PGAP1: variants seen among roughly 807,000 people sequenced by gnomAD.
PGAP1 encodes GPI inositol-deacylase.
A neutral mutation model predicts 127.0 loss-of-function variants in PGAP1; 76 were observed. The ratio of observed to expected loss-of-function variants is 0.60; its 90% confidence interval spans 0.50 to 0.72. The LOEUF (loss-of-function observed/expected upper bound fraction) is 0.72, where lower values mean the gene tolerates loss of function less well. Among genes scored for constraint, PGAP1 ranks in the 30% least tolerant of loss-of-function variants. PGAP1 has a pLI of 0.00. For missense variants in PGAP1, 982 were observed against 1,071.3 expected (o/e 0.92, Z 1.16); for synonymous variants, 362 against 366.5 (o/e 0.99, Z 0.14).
rs530215922 is a variant in PGAP1, at chr2:196,845,045, A to G, written c.2287-471T>C. Among the ~76,000 whole-genome samples the G allele has an allele frequency of 1.1e-3, 163 of 152,160 alleles. No homozygotes were observed. The East Asian group carries it at 0.019, about 18-fold the overall frequency. ...GTGGTGAAATGTTTATAAGAACTGA[A>G]AAAAATCTTTAAATTTAATTTATTA... On this transcript the variant is annotated intron_variant, in intron 23 of 26. Transcript: ENST00000354764.
At chr2:196,878,471 T>C (rs923751760) in intron 13 of PGAP1, among the ~76,000 whole-genome samples, 1 of 152,186 alleles carries the variant, frequency 6.6e-6, no homozygotes, top group African/African-American at 2.4e-5. Context: ...CTCATTATTA[T>C]AGCAATGAGT....
intron 13 of PGAP1, among the ~76,000 whole-genome samples, chr2:196,876,575 T>G (rs1258100405): frequency 1.3e-5 from 2 of 152,068 alleles, no homozygotes; most frequent in Non-Finnish European, 2.9e-5. Flanking sequence ...ATAATTTCAT[T>G]AAAATAATCT....
In PGAP1 at chr2:196,885,476, C is replaced by T; in HGVS notation, c.1221-1G>A. On this transcript the variant is annotated splice_acceptor_variant, in intron 11 of 26. Transcript: ENST00000354764. LOFTEE classifies it high-confidence loss of function. The stretch of plus-strand genomic sequence containing the variant: ...CCATGATAAATCAACCCCTTGCAGG[C>T]TTTGAAATAAATATGAAAATATAAT... 2 of 1,589,830 alleles carry T rather than the reference C, an allele frequency of 1.3e-6. No individual in the cohort carries two copies. Among genetic ancestry groups the T allele is most frequent in the South Asian group, 2.3e-5 (2 of 87,172 alleles).
intron 4 of PGAP1, among the ~76,000 whole-genome samples, chr2:196,912,580 T>TAAAAAAA (rs531959600): frequency 1.2e-5 from 1 of 82,480 alleles, no homozygotes; most frequent in Non-Finnish European, 2.5e-5. Flanking sequence ...ACCCTGTCTT[T>TAAAAAAA]AAAAAAAAAA....
intron 10 of PGAP1, among the ~76,000 whole-genome samples, chr2:196,887,590 AGAAATCAATG>A (rs919270313): frequency 8.5e-5 from 13 of 152,312 alleles, no homozygotes; most frequent in Non-Finnish European, 1.2e-4. Flanking sequence ...AGGACAACCA[AGAAATCAATG>A]CTTTTATTCA....
rs1460292179 is a variant in PGAP1, at chr2:196,843,899, T to C, written c.2514A>G (p.Leu838=). Residue 838 remains leucine (L), a synonymous_variant, in exon 25 of 27, where the codon CTA becomes CTG. Coordinates refer to ENST00000354764, the MANE Select transcript of PGAP1 (RefSeq NM_024989.4). ...LLSMPSLIYW[L]KNLRYYFKLN... ...TCAATAAAACGCACCTAAGATTCTT[T>C]AGCCAATAAATTAGAGAAGGCATGC... is the stretch of plus-strand genomic sequence containing the variant. 1.7e-5 allele frequency: 26 copies of C among 1,520,960 alleles called. No individual in the cohort carries two copies. The highest frequency in any genetic ancestry group is 2.2e-5 in the Non-Finnish European group (25 of 1,124,990). The allele number at this position is 1,520,960 out of a possible 1,614,324, so 94.2% of individuals were successfully genotyped here.
In PGAP1 at chr2:196,841,314, AAGCAATCAC is replaced by A. The variant is rs771932395; in HGVS notation, c.2680_2688del (p.Val894_Ala896del). On this transcript the variant is annotated inframe_deletion, in exon 27 of 27. Coordinates refer to ENST00000354764, the MANE Select transcript of PGAP1 (RefSeq NM_024989.4). ...AGCCTATATAAATGTGCTGACCCAA[AAGCAATCAC>A]ACCAACAGCCAGAGGAAGTGGAAAT... The A allele has an allele frequency of 6.2e-7, 1 of 1,613,896 alleles. No homozygotes were observed. The highest frequency in any genetic ancestry group is 1.1e-5 in the South Asian group (1 of 91,066).
In PGAP1 at chr2:196,893,219, C is replaced by G; in HGVS notation, c.954G>C (p.Leu318=). 1 of 1,593,828 alleles carries G rather than the reference C, an allele frequency of 6.3e-7. No homozygotes were observed. The highest frequency in any genetic ancestry group is 8.6e-7 in the Non-Finnish European group (1 of 1,165,462). Residue 318 remains leucine (L), a synonymous_variant, in exon 8 of 27, where the codon CTG becomes CTC. Coordinates refer to ENST00000354764, the MANE Select transcript of PGAP1 (RefSeq NM_024989.4). ...KQITQNSKKK[L]SVLYHHFIRH... The stretch of plus-strand genomic sequence containing the variant: ...TTATAAAGTGGTGATACAAAACTGA[C>G]AGTTTCTTCTTGGAATTTTGAGTTA...
intron 20 of PGAP1, among the ~76,000 whole-genome samples, chr2:196,858,558 C>T (rs1349175526): frequency 6.6e-6 from 1 of 151,970 alleles, no homozygotes; most frequent in African/African-American, 2.4e-5. Flanking sequence ...CATAGCAATA[C>T]ATGCCTAAAT....
chr2:196,841,162 T>TGTCCATACTGCAAA lies in PGAP1; in HGVS notation c.*71_*72insTTTGCAGTATGGAC. On this transcript the variant is annotated 3_prime_UTR_variant, in exon 27 of 27. Transcript: ENST00000354764. ...CAAAGGATCTTGCTGTCCATACTGA[T>TGTCCATACTGCAAA]GGATCTGTGTGTTCCCTCTTATCAC... 7.1e-7 allele frequency: 1 copy of TGTCCATACTGCAAA among 1,409,422 alleles called. No individual in the cohort carries two copies. Among genetic ancestry groups the TGTCCATACTGCAAA allele is most frequent in the Non-Finnish European group, 9.6e-7 (1 of 1,044,344 alleles). 87.3% of individuals were successfully genotyped at this position (1,409,422 alleles called of 1,614,324 possible).
chr2:196,904,732 AAAAT>A, intron 4 of PGAP1, among the ~76,000 whole-genome samples: 1 of 152,282 alleles, frequency 6.6e-6, no homozygotes, highest in African/African-American at 2.4e-5. Flanking sequence ...CTCAAAAAAA[AAAAT>A]AAATAAAAGT....
chr2:196,921,720 T>C (rs950675215), intron 1 of PGAP1, among the ~76,000 whole-genome samples: 7 of 152,120 alleles, frequency 4.6e-5, no homozygotes, highest in African/African-American at 1.2e-4. Flanking sequence ...AATACTATTA[T>C]GAAAGCAATT....
intron 20 of PGAP1, among the ~76,000 whole-genome samples, chr2:196,851,714 C>T (rs1700727637): frequency 6.6e-6 from 1 of 152,104 alleles, no homozygotes; most frequent in Non-Finnish European, 1.5e-5. Context: ...CACGGCACAC[C>T]TTTTGTCAGG....
intron 20 of PGAP1, among the ~76,000 whole-genome samples, chr2:196,856,722 G>A (rs1423784639): frequency 6.6e-6 from 1 of 152,190 alleles, no homozygotes; most frequent in Non-Finnish European, 1.5e-5. Flanking sequence ...TTCCCAAGAT[G>A]TCAGAACAAG....
chr2:196,901,551 T>G (rs964368441), intron 5 of PGAP1, among the ~76,000 whole-genome samples: 3 of 152,172 alleles, frequency 2.0e-5, no homozygotes, highest in Non-Finnish European at 4.4e-5. Flanking sequence ...GTAAGTTATA[T>G]TTGGAGATGA....
chr2:196,901,982 G>A (rs1702507367), intron 5 of PGAP1, among the ~76,000 whole-genome samples: 1 of 152,002 alleles, frequency 6.6e-6, no homozygotes, highest in Admixed American at 6.6e-5. Flanking sequence ...ATAAATAAGG[G>A]TCATTTTCAT....
At chr2:196,888,758 A>G (rs1478567388) in intron 10 of PGAP1, among the ~76,000 whole-genome samples, 1 of 152,214 alleles carries the variant, frequency 6.6e-6, no homozygotes, top group Admixed American at 6.5e-5. Context: ...CATGGAGTGA[A>G]TATCAGATGA....
At position 196,870,967 on chromosome 2, in the gene PGAP1, T is replaced by C. The variant is rs1701391593; in HGVS notation, c.1741A>G (p.Thr581Ala). The C allele has an allele frequency of 6.2e-7, 1 of 1,606,766 alleles. No individual in the cohort carries two copies. Among genetic ancestry groups the C allele is most frequent in the Admixed American group, 1.7e-5 (1 of 59,868 alleles). Residue 581 changes from threonine to alanine, a missense_variant, in exon 19 of 27, where the codon ACT becomes GCT. By Grantham distance (58) the Thr-to-Ala change is moderately conservative. Transcript: ENST00000354764. ...SDCRYEVTVK[T>A]SFSQILGQVV... ...TGTCCAAGTATTTGTGAAAAGGAAG[T>C]CTTAACTGTCACCTAGTTTAAAACA...
At chr2:196,881,834 T>C (rs1479819218) in intron 12 of PGAP1, among the ~76,000 whole-genome samples, 1 of 152,258 alleles carries the variant, frequency 6.6e-6, no homozygotes, top group Non-Finnish European at 1.5e-5. Flanking sequence ...ACTCTGTTGA[T>C]AGTTTCCTTT....
Sources: gnomAD v4.1 joint callset for allele counts (sites outside exome capture counted in the v4.1 genomes callset) on GRCh38, gnomAD v4.1.1 for gene constraint, MANE v1.5 for transcripts, NCBI Gene and HGNC (gene_info 2026-07-23, HGNC 2026-07-21) for gene names.